Variants in SYNPO2 observed in about 807,000 individuals in gnomAD.
SYNPO2 encodes the protein synaptopodin-2.
SYNPO2 carries 56 observed loss-of-function variants against 85.0 expected under a neutral mutation model. That is an observed-to-expected ratio of 0.66 (90% confidence interval 0.53 to 0.82). The LOEUF (loss-of-function observed/expected upper bound fraction) is 0.82, where lower values mean the gene tolerates loss of function less well. Among genes scored for constraint, SYNPO2 ranks in the 40% least tolerant of loss-of-function variants. The pLI is 0.00. For synonymous variants in SYNPO2, 602 were observed against 591.1 expected, an observed-to-expected ratio of 1.02 and a Z score of -0.27; for missense variants, 1,575 against 1,534.2, an observed-to-expected ratio of 1.03 and a Z score of -0.44.
At chr4:118,942,221 A>T (rs184081792) in intron 1 of SYNPO2, among the ~76,000 whole-genome samples, 1 of 152,344 alleles carries the variant, frequency 6.6e-6, no homozygotes, top group East Asian at 1.9e-4. Context: ...AAAAAACATG[A>T]TTAATAAATG....
chr4:118,927,599 C>T (rs1733756197), intron 1 of SYNPO2, among the ~76,000 whole-genome samples: 1 of 152,060 alleles, frequency 6.6e-6, no homozygotes, highest in Non-Finnish European at 1.5e-5. Context: ...GAGGTATGTG[C>T]TTGAGTTTCA....
In SYNPO2 at chr4:119,060,687, A is replaced by G. The variant is rs1456314692; in HGVS notation, c.*2753A>G. 5 of 152,224 alleles carry G rather than the reference A, an allele frequency of 3.3e-5. No homozygotes were observed. Among genetic ancestry groups the G allele is most frequent in the Non-Finnish European group, 5.9e-5 (4 of 68,014 alleles). The allele number at this position is 152,224 out of a possible 1,614,324, so 9.4% of individuals were successfully genotyped here. A position where few individuals can be genotyped will look rare whatever the true frequency, so the allele number is the denominator to read the frequency against. ...GTTTGTTAGTATCAATCACATAGGT[A>G]GAAAGAGTTTGAGTTTTACTGTGGA... is the stretch of plus-strand genomic sequence containing the variant. On this transcript the variant is annotated 3_prime_UTR_variant, in exon 5 of 5. Transcript: ENST00000307142.
chr4:118,917,934 C>T (rs1319188517), intron 1 of SYNPO2, among the ~76,000 whole-genome samples: 1 of 152,092 alleles, frequency 6.6e-6, no homozygotes, highest in African/African-American at 2.4e-5. Context: ...GCCCTATATA[C>T]TAAATTTTTA....
intron 1 of SYNPO2, among the ~76,000 whole-genome samples, chr4:118,856,565 G>T (rs1013750240): frequency 8.6e-5 from 13 of 151,792 alleles, no homozygotes; most frequent in African/African-American, 2.9e-4. Flanking sequence ...TTGAGACAGG[G>T]TCTCGCTCTG....
intron 1 of SYNPO2, among the ~76,000 whole-genome samples, chr4:118,867,902 A>C (rs1463528405): frequency 1.3e-5 from 2 of 152,156 alleles, no homozygotes; most frequent in Non-Finnish European, 2.9e-5. Context: ...AAGTAAAATC[A>C]GTTTCAATGA....
chr4:118,936,904 C>T (rs1364695582), intron 1 of SYNPO2, among the ~76,000 whole-genome samples: 1 of 152,126 alleles, frequency 6.6e-6, no homozygotes, highest in African/African-American at 2.4e-5. Flanking sequence ...GCGCCTCTCT[C>T]TTCATCCAGT....
intron 1 of SYNPO2, among the ~76,000 whole-genome samples, chr4:118,961,163 A>T (rs1560913661): frequency 7.8e-6 from 1 of 128,870 alleles, no homozygotes; most frequent in Non-Finnish European, 1.5e-5. Flanking sequence ...GCTTGTCACT[A>T]CTAGGGAGAA....
Position 119,057,947 on chromosome 4 carries a change from C to A in SYNPO2, c.*13C>A. The A allele has an allele frequency of 6.2e-7, 1 of 1,601,938 alleles. No individual in the cohort carries two copies. Among genetic ancestry groups the A allele is most frequent in the African/African-American group, 1.4e-5 (1 of 73,952 alleles). ...ACGCCAAACATGAAAGTTAGAAGAA[C>A]GGATCATGTGCCAACTGTAGTTTTT... On this transcript the variant is annotated 3_prime_UTR_variant, in exon 5 of 5. Coordinates refer to ENST00000307142, the MANE Select transcript of SYNPO2 (RefSeq NM_133477.3).
chr4:118,884,955 T>C (rs1468184726), upstream of SYNPO2, among the ~76,000 whole-genome samples: 1 of 152,196 alleles, frequency 6.6e-6, no homozygotes, highest in Non-Finnish European at 1.5e-5. Flanking sequence ...AAGGAACACC[T>C]AACCTGGACA....
intron 1 of SYNPO2, among the ~76,000 whole-genome samples, chr4:118,938,371 A>T (rs1441083626): frequency 6.6e-6 from 1 of 152,068 alleles, no homozygotes; most frequent in African/African-American, 2.4e-5. Flanking sequence ...CATTATTTTG[A>T]ATTGTTATAT....
intron 1 of SYNPO2, among the ~76,000 whole-genome samples, chr4:118,912,315 G>C (rs1733166091): frequency 6.6e-6 from 1 of 152,050 alleles, no homozygotes; most frequent in Non-Finnish European, 1.5e-5. Flanking sequence ...CCAGTAGCTG[G>C]GACTACAGGT....
chr4:118,945,370 A>T (rs1387542015), intron 1 of SYNPO2, among the ~76,000 whole-genome samples: 1 of 152,238 alleles, frequency 6.6e-6, no homozygotes, highest in Non-Finnish European at 1.5e-5. Context: ...ATTATCCATG[A>T]CATAACCCTT....
At position 119,026,775 on chromosome 4, in the gene SYNPO2, G is replaced by C. The variant is rs754533482; in HGVS notation, c.406G>C (p.Val136Leu). The change falls in exon 3 of 5, where the codon GTC becomes CTC. Residue 136 changes from valine to leucine, a missense_variant. Coordinates refer to ENST00000307142, the MANE Select transcript of SYNPO2 (RefSeq NM_133477.3). The stretch of plus-strand genomic sequence containing the variant: ...GTGCACAGAATTCTTCCTCGCCCCT[G>C]TCAAGACTGAAGTTCCCCTAGCTGA... ...TQCTEFFLAP[V>L]KTEVPLAENQ... is the part of the protein sequence containing the mutation. 2 of 1,613,654 alleles carry C rather than the reference G, an allele frequency of 1.2e-6. No homozygotes were observed. The highest frequency in any genetic ancestry group is 1.1e-5 in the South Asian group (1 of 91,046).
At chr4:118,881,588 G>A (rs1732101395) in intron 1 of SYNPO2, among the ~76,000 whole-genome samples, 2 of 152,362 alleles carry the variant, frequency 1.3e-5, no homozygotes, top group South Asian at 4.1e-4. Context: ...TGGGCTTTGT[G>A]TAAAAGAAAG....
chr4:118,958,341 G>A (rs1331390664), intron 1 of SYNPO2, among the ~76,000 whole-genome samples: 1 of 152,098 alleles, frequency 6.6e-6, no homozygotes, highest in Non-Finnish European at 1.5e-5. Flanking sequence ...CAAATATTTT[G>A]AGATATGTAA....
upstream of SYNPO2, among the ~76,000 whole-genome samples, chr4:118,884,759 TA>T (rs1360118078): frequency 8.5e-5 from 13 of 152,364 alleles, no homozygotes; most frequent in East Asian, 1.9e-4. Context: ...AACTCTTATT[TA>T]TTTTTTTTAC....
rs771475602 is a variant in SYNPO2 at position 119,027,245 on chromosome 4, C to G, written c.876C>G (p.Asp292Glu). The change falls in exon 3 of 5, where the codon GAC becomes GAG. Residue 292 changes from aspartate (D) to glutamate (E), a missense_variant. By Grantham distance (45) the Asp-to-Glu change is conservative. Around this residue, in one of 3 missense-constraint regions of SYNPO2, gnomAD observed 1,508 missense variants for 1,446.8 expected, o/e 1.04. Transcript: ENST00000307142. ...TGGAAGTGATCCTCGACTGCTCTGACAGGCAGAAGACAGAAGGGTGCAGGC... is the reference window on the plus strand; with the variant it reads ...TGGAAGTGATCCTCGACTGCTCTGAGAGGCAGAAGACAGAAGGGTGCAGGC... ...PRVEVILDCS[D>E]RQKTEGCRLQ... The G allele has an allele frequency of 1.2e-6, 2 of 1,614,008 alleles. No individual in the cohort carries two copies. Among genetic ancestry groups the G allele is most frequent in the Non-Finnish European group, 1.7e-6 (2 of 1,180,042 alleles).
rs778146297 is a variant in SYNPO2, at chr4:119,022,512, G to GTTTTT, written c.106-896_106-892dup. On this transcript the variant is annotated intron_variant, in intron 1 of 4. Coordinates refer to ENST00000307142, the MANE Select transcript of SYNPO2 (RefSeq NM_133477.3). ...GGGCTAATTTTTGCATTTTTTGTAG[G>GTTTTT]TTTTTTTTTTTTTTTTTTTTTTTTT... Among the ~76,000 whole-genome samples, 811 of 87,064 alleles carry GTTTTT rather than the reference G, an allele frequency of 9.3e-3. 62 individuals carry two copies. The highest frequency in any genetic ancestry group is 0.032 in the African/African-American group (761 of 23,954). The allele number at this position is 87,064 out of a possible 152,430, so 57.1% of individuals were successfully genotyped here. A position where few individuals can be genotyped will look rare whatever the true frequency, so the allele number is the denominator to read the frequency against.
chr4:119,037,059 C>A, intron 4 of SYNPO2: 1 of 1,497,662 alleles, frequency 6.7e-7, no homozygotes, highest in Non-Finnish European at 8.9e-7. Context: ...GTGTTTACCT[C>A]TGTTTATGTC....
Sources: gnomAD v4.1 joint callset for allele counts (sites outside exome capture counted in the v4.1 genomes callset) on GRCh38, gnomAD v4.1.1 for gene constraint, gnomAD v4.1.1 regional missense constraint, MANE v1.5 for transcripts, NCBI Gene and HGNC (gene_info 2026-07-23, HGNC 2026-07-21) for gene names.